MMP24: variants seen among roughly 807,000 people sequenced by gnomAD.
MMP24 encodes the protein matrix metalloproteinase-24.
A neutral mutation model predicts 62.8 loss-of-function variants in MMP24; 25 were observed. The observed-to-expected ratio is 0.40, with a 90% CI of 0.29 to 0.56. The LOEUF (loss-of-function observed/expected upper bound fraction) is 0.56, where lower values mean the gene tolerates loss of function less well. MMP24 is among the 20% of genes least tolerant of loss of function. MMP24 has a pLI of 0.50. For synonymous variants in MMP24, 319 were observed against 350.5 expected (o/e 0.91, Z 1.00); for missense variants, 634 against 853.6 (o/e 0.74, Z 3.21).
chr20:35,275,022 T>G lies in MMP24; in HGVS notation c.*413T>G. On this transcript the variant is annotated 3_prime_UTR_variant, in exon 9 of 9. Transcript: ENST00000246186. ...TAGCTCTCATCCCCCATCCGGGAGA[T>G]ACCACCAGTCCTGGTCCCCTTTTGC... 5.2e-6 allele frequency: 1 copy of G among 192,602 alleles called. No individual in the cohort carries two copies. Among genetic ancestry groups the G allele is most frequent in the Non-Finnish European group, 1.1e-5 (1 of 92,214 alleles). 11.9% of individuals were successfully genotyped at this position (192,602 alleles called of 1,614,324 possible). A position where few individuals can be genotyped will look rare whatever the true frequency, so the allele number is the denominator to read the frequency against.
In MMP24 at chr20:35,274,257, G is replaced by A; in HGVS notation, c.1601-15G>A. On this transcript the variant is annotated splice_polypyrimidine_tract_variant and intron_variant, in intron 8 of 8. Transcript: ENST00000246186. This position sits in a 1 kb window ranked among gnomAD's most constrained non-coding sequence, Gnocchi z 5.1. ...AAGTGTCTGGGAGTGGTGATGCTGG[G>A]CTGTATTTCTGCAGATTACACCTAT... 6.3e-7 allele frequency: 1 copy of A among 1,590,716 alleles called. No homozygotes were observed. Among genetic ancestry groups the A allele is most frequent in the Non-Finnish European group, 8.5e-7 (1 of 1,169,808 alleles).
intron 4 of MMP24, among the ~76,000 whole-genome samples, chr20:35,258,933 A>G (rs2060588444): frequency 1.3e-5 from 2 of 151,818 alleles, no homozygotes; most frequent in Non-Finnish European, 2.9e-5. Flanking sequence ...TAATCCCAGC[A>G]CTTTGGGAGG....
chr20:35,273,296 T>C (rs2060683299), intron 8 of MMP24, among the ~76,000 whole-genome samples: 2 of 151,392 alleles, frequency 1.3e-5, no homozygotes, highest in African/African-American at 4.9e-5. Flanking sequence ...CTTGGGAGGC[T>C]GAGGCCAGAG....
rs181439667 is a variant in MMP24 at position 35,269,134 on chromosome 20, C to T, written c.1195-626C>T. ...GCACCAGTTACAAGAGGCGTTTTTA[C>T]TGGACTCGGACTATTTAGCTGCCAT... On this transcript the variant is annotated intron_variant, in intron 6 of 8. Transcript: ENST00000246186. This position sits in a 1 kb window ranked among gnomAD's most constrained non-coding sequence, Gnocchi z 4.6. Among the ~76,000 whole-genome samples, 11 of 152,206 alleles carry T rather than the reference C, an allele frequency of 7.2e-5. No homozygotes were observed. The highest frequency in any genetic ancestry group is 1.6e-4 in the Non-Finnish European group (11 of 68,014).
At chr20:35,272,882 A>G (rs1266852409) in intron 8 of MMP24, among the ~76,000 whole-genome samples, 1 of 152,232 alleles carries the variant, frequency 6.6e-6, no homozygotes, top group Non-Finnish European at 1.5e-5. Context: ...TGAGGATTAA[A>G]GAAGACAAAT....
rs916446979 is a variant in MMP24, at chr20:35,269,445, C to T, written c.1195-315C>T. ...GGACCAGTCTGGCTGATGTCAGTGA[C>T]GCTCCACTGCCCCCATGTGGCCACT... On this transcript the variant is annotated intron_variant, in intron 6 of 8. Coordinates refer to ENST00000246186, the MANE Select transcript of MMP24 (RefSeq NM_006690.4). The surrounding 1 kb of genome is among the most constrained non-coding windows in gnomAD (Gnocchi z 4.6). Among the ~76,000 whole-genome samples, 24 of 152,214 alleles carry T rather than the reference C, an allele frequency of 1.6e-4. No homozygotes were observed. The highest frequency in any genetic ancestry group is 2.8e-4 in the Non-Finnish European group (19 of 68,048).
rs1472705028 is a variant in MMP24 at position 35,226,691 on chromosome 20, G to C, written c.-48G>C. ...GGGCGCGCTGGCGGCCGAGGCGGCGGCGGCGGCGGCGAAGGCAGGCGGGCC... is the reference window on the plus strand; with the variant it reads ...GGGCGCGCTGGCGGCCGAGGCGGCGCCGGCGGCGGCGAAGGCAGGCGGGCC... On this transcript the variant is annotated 5_prime_UTR_variant, in exon 1 of 9. Transcript: ENST00000246186. 2 of 360,106 alleles carry C rather than the reference G, an allele frequency of 5.6e-6. No individual in the cohort carries two copies. Among genetic ancestry groups the C allele is most frequent in the Admixed American group, 1.4e-4 (2 of 14,426 alleles). The allele number at this position is 360,106 out of a possible 1,614,324, so 22.3% of individuals were successfully genotyped here. A position where few individuals can be genotyped will look rare whatever the true frequency, so the allele number is the denominator to read the frequency against.
chr20:35,260,452 G>GT (rs1193852809), intron 4 of MMP24, among the ~76,000 whole-genome samples: 1 of 152,074 alleles, frequency 6.6e-6, no homozygotes, highest in Non-Finnish European at 1.5e-5. Flanking sequence ...TGAGCTCCCT[G>GT]TGGACAGCCC....
At chr20:35,233,419 C>G (rs184147745) in intron 1 of MMP24, among the ~76,000 whole-genome samples, 62 of 152,244 alleles carry the variant, frequency 4.1e-4, no homozygotes, top group Admixed American at 7.8e-4. Context: ...ATCAATGAAT[C>G]AATCAATCAG....
chr20:35,238,418 A>C (rs2060473659), intron 1 of MMP24, among the ~76,000 whole-genome samples: 1 of 152,210 alleles, frequency 6.6e-6, no homozygotes, highest in African/African-American at 2.4e-5. Context: ...ACAGGGATGT[A>C]CAAGGACCTT....
rs1342688893 is a variant in MMP24, at chr20:35,269,743, C to T, written c.1195-17C>T. 1.3e-6 allele frequency: 2 copies of T among 1,563,158 alleles called. No individual in the cohort carries two copies. Among genetic ancestry groups the T allele is most frequent in the Non-Finnish European group, 1.7e-6 (2 of 1,153,848 alleles). On this transcript the variant is annotated splice_polypyrimidine_tract_variant and intron_variant, in intron 6 of 8. Coordinates refer to ENST00000246186, the MANE Select transcript of MMP24 (RefSeq NM_006690.4). The surrounding 1 kb of genome is among the most constrained non-coding windows in gnomAD (Gnocchi z 4.6). ...GGGCCTGACACACCTCTCTCCCCCT[C>T]TCCCGCTTCCTCCCAGGATCGCTGG...
In MMP24 at chr20:35,259,785, A is replaced by C. The variant is rs1341020589; in HGVS notation, c.818-4006A>C. Among the ~76,000 whole-genome samples, 5 of 152,114 alleles carry C rather than the reference A, an allele frequency of 3.3e-5. No individual in the cohort carries two copies. The East Asian group carries it at 9.6e-4, about 29-fold the overall frequency. Reference sequence around the variant, plus strand: ...CTGCTGGGGACTTGCTCGGAGGCCCAGGGACTTACAGGAACACACCCTATC... The same window carrying C: ...CTGCTGGGGACTTGCTCGGAGGCCCCGGGACTTACAGGAACACACCCTATC... On this transcript the variant is annotated intron_variant, in intron 4 of 8. Coordinates refer to ENST00000246186, the MANE Select transcript of MMP24 (RefSeq NM_006690.4).
At chr20:35,237,547 A>T (rs1280802851) in intron 1 of MMP24, among the ~76,000 whole-genome samples, 1 of 152,206 alleles carries the variant, frequency 6.6e-6, no homozygotes, top group Non-Finnish European at 1.5e-5. Flanking sequence ...AAGGCAACAT[A>T]TTCCCAGGTT....
chr20:35,259,558 G>C (rs756210912), intron 4 of MMP24, among the ~76,000 whole-genome samples: 1 of 152,192 alleles, frequency 6.6e-6, no homozygotes, highest in African/African-American at 2.4e-5. Flanking sequence ...AGGCTTCCTG[G>C]AAGACAGGCA....
In MMP24 at chr20:35,271,501, C is replaced by T; in HGVS notation, c.1334-68C>T. On this transcript the variant is annotated intron_variant, in intron 7 of 8. Transcript: ENST00000246186. The surrounding 1 kb of genome is among the most constrained non-coding windows in gnomAD (Gnocchi z 4.0). ...AGGGCATCAGACTGTTTTCACCTGA[C>T]ACCCTGAAGATGGGCAAACGGCACT... 6.5e-7 allele frequency: 1 copy of T among 1,549,786 alleles called. No homozygotes were observed.
chr20:35,241,806 GAA>G (rs1324990168), intron 1 of MMP24, among the ~76,000 whole-genome samples: 1 of 152,194 alleles, frequency 6.6e-6, no homozygotes, highest in African/African-American at 2.4e-5. Context: ...AAGCAGGAAT[GAA>G]AATTTTTAAA....
Position 35,274,224 on chromosome 20 carries a change from G to A in MMP24, c.1601-48G>A, listed in dbSNP as rs748183480. The A allele has an allele frequency of 6.5e-7, 1 of 1,529,402 alleles. No individual in the cohort carries two copies. Among genetic ancestry groups the A allele is most frequent in the African/African-American group, 1.4e-5 (1 of 73,626 alleles). 94.7% of individuals were successfully genotyped at this position (1,529,402 alleles called of 1,614,324 possible). On this transcript the variant is annotated intron_variant, in intron 8 of 8. Transcript: ENST00000246186. The surrounding 1 kb of genome is among the most constrained non-coding windows in gnomAD (Gnocchi z 5.1). The stretch of plus-strand genomic sequence containing the variant: ...CTCCTTTTCACACTGCCCCAGAGCA[G>A]GTGCCGGAAGTGTCTGGGAGTGGTG...
At position 35,274,575 on chromosome 20, in the gene MMP24, C is replaced by A; in HGVS notation, c.1904C>A (p.Thr635Asn). Residue 635 changes from threonine (T) to asparagine (N), a missense_variant, in exon 9 of 9, where the codon ACC becomes AAC. Around this residue, in one of 3 missense-constraint regions of MMP24, gnomAD observed 399 missense variants for 530.8 expected, o/e 0.75. Coordinates refer to ENST00000246186, the MANE Select transcript of MMP24 (RefSeq NM_006690.4). The surrounding 1 kb of genome is among the most constrained non-coding windows in gnomAD (Gnocchi z 5.1). ...AACAAGACAGGCCCTCAGCCTGTCA[C>A]CTACTATAAGCGGCCAGTCCAGGAA... ...FKNKTGPQPV[T>N]YYKRPVQEWV 6.2e-7 allele frequency: 1 copy of A among 1,613,772 alleles called. No individual in the cohort carries two copies. Among genetic ancestry groups the A allele is most frequent in the Non-Finnish European group, 8.5e-7 (1 of 1,179,758 alleles).
chr20:35,228,299 G>A (rs1478600978), intron 1 of MMP24, among the ~76,000 whole-genome samples: 3 of 152,194 alleles, frequency 2.0e-5, no homozygotes, highest in African/African-American at 7.2e-5. Context: ...AAAAGATATG[G>A]TGTGTAAAAG....
Sources: gnomAD v4.1 joint callset for allele counts (sites outside exome capture counted in the v4.1 genomes callset) on GRCh38, gnomAD v4.1.1 for gene constraint, gnomAD v4.1.1 regional missense constraint, Gnocchi (gnomAD v3.1) non-coding constraint, MANE v1.5 for transcripts, NCBI Gene and HGNC (gene_info 2026-07-23, HGNC 2026-07-21) for gene names.